MRPL13: variants seen among roughly 807,000 people sequenced by gnomAD.
The protein encoded by MRPL13 is large ribosomal subunit protein uL13m.
A neutral mutation model predicts 29.0 loss-of-function variants in MRPL13; 33 were observed. The ratio of observed to expected loss-of-function variants is 1.14; its 90% confidence interval spans 0.86 to 1.52. MRPL13 has a LOEUF of 1.52. Among genes scored for constraint, MRPL13 ranks in the 40% most tolerant of loss-of-function variants. The pLI, the probability that MRPL13 is intolerant of heterozygous loss-of-function variation, is 0.00. For synonymous variants in MRPL13, 77 were observed against 68.4 expected (o/e 1.13, Z -0.62); for missense variants, 227 against 216.7 (o/e 1.05, Z -0.30).
At chr8:120,410,010 G>T (rs1349115813) in intron 6 of MRPL13, among the ~76,000 whole-genome samples, 1 of 152,090 alleles carries the variant, frequency 6.6e-6, no homozygotes, top group African/African-American at 2.4e-5. Flanking sequence ...TAAGATTAAA[G>T]CAATTTTGTT....
intron 3 of MRPL13, 98 bp downstream of exon 3, chr8:120,431,932 T>C (rs1813000375): frequency 1.1e-6 from 1 of 899,388 alleles, no homozygotes; most frequent in South Asian, 2.7e-5. Context: ...TAAATGCTGA[T>C]TTTTAAAAAT....
Position 120,425,360 on chromosome 8 carries a change from T to C in MRPL13, c.252A>G (p.Pro84=), listed in dbSNP as rs1812920865. ...QKVYSSHTGY[P]GGFRQVTAAQ... ...CAGCTGTTACTTGTCTAAATCCACC[T>C]GGGTAGCTGTTAAAAGGAGAAAAGA... Residue 84 remains proline, a synonymous_variant, in exon 4 of 7, where the codon CCA becomes CCG. Transcript: ENST00000306185. 4 of 1,611,702 alleles carry C rather than the reference T, an allele frequency of 2.5e-6. No homozygotes were observed. Among genetic ancestry groups the C allele is most frequent in the Non-Finnish European group, 3.4e-6 (4 of 1,178,320 alleles).
At chr8:120,401,997 A>G (rs1812603048) in intron 6 of MRPL13, among the ~76,000 whole-genome samples, 1 of 152,236 alleles carries the variant, frequency 6.6e-6, no homozygotes, top group Non-Finnish European at 1.5e-5. Context: ...AGGAAATCAG[A>G]GAGGACACAA....
At chr8:120,433,399 G>A (rs978971741) in intron 2 of MRPL13, among the ~76,000 whole-genome samples, 2 of 152,032 alleles carry the variant, frequency 1.3e-5, no homozygotes, top group African/African-American at 2.4e-5. Context: ...CCTAACACCC[G>A]GTGTAGGCTC....
chr8:120,445,076 C>A lies in MRPL13; in HGVS notation c.19G>T (p.Ala7Ser), dbSNP rs759465650. MSSFSR[A>S]PQQWATFARI... Reference sequence around the variant, plus strand: ...TAAGAGTCCGAGCTCACCTGGGGCGCCCTAGAGAAACTCGACATATTCCTC... The same window carrying A: ...TAAGAGTCCGAGCTCACCTGGGGCGACCTAGAGAAACTCGACATATTCCTC... Residue 7 changes from alanine to serine, a missense_variant, in exon 1 of 7, where the codon GCG becomes TCG. Physicochemically the swap from Ala to Ser is moderately conservative, Grantham distance 99. Transcript: ENST00000306185. The A allele has an allele frequency of 5.6e-6, 9 of 1,613,842 alleles. No homozygotes were observed. Among genetic ancestry groups the A allele is most frequent in the African/African-American group, 4.0e-5 (3 of 74,886 alleles).
intron 2 of MRPL13, among the ~76,000 whole-genome samples, 193 bp from the exon 3 acceptor site, chr8:120,432,316 T>A (rs1237679407): frequency 6.6e-6 from 1 of 152,048 alleles, no homozygotes; most frequent in African/African-American, 2.4e-5. Context: ...ATAGAAAGAG[T>A]TGGCTGGCCA....
intron 4 of MRPL13, among the ~76,000 whole-genome samples, chr8:120,423,645 A>G (rs372251315): frequency 1.1e-4 from 17 of 152,148 alleles, no homozygotes; most frequent in African/African-American, 3.6e-4. Context: ...TAGCAAAACT[A>G]TCTTTCAAGA....
chr8:120,400,613 C>G (rs1586916450), intron 6 of MRPL13, among the ~76,000 whole-genome samples: 1 of 150,640 alleles, frequency 6.6e-6, no homozygotes, highest in South Asian at 2.1e-4. Flanking sequence ...AAGAAATAAC[C>G]AAGATCAGAG....
chr8:120,442,398 T>C (rs1813134475), intron 2 of MRPL13, among the ~76,000 whole-genome samples: 1 of 152,154 alleles, frequency 6.6e-6, no homozygotes, highest in Non-Finnish European at 1.5e-5. Flanking sequence ...TAATATAACA[T>C]AATGCCAAAA....
chr8:120,435,495 T>C (rs1299965597), intron 2 of MRPL13, among the ~76,000 whole-genome samples: 1 of 152,154 alleles, frequency 6.6e-6, no homozygotes. Flanking sequence ...TTACTTAGGA[T>C]TATGGCCTCC....
intron 6 of MRPL13, among the ~76,000 whole-genome samples, chr8:120,407,193 T>C (rs1812678386): frequency 6.6e-6 from 1 of 152,162 alleles, no homozygotes; most frequent in African/African-American, 2.4e-5. Flanking sequence ...ATGACAGAAG[T>C]CAAAACATTT....
intron 2 of MRPL13, among the ~76,000 whole-genome samples, chr8:120,435,848 T>A (rs1227155954): frequency 6.6e-6 from 1 of 152,156 alleles, no homozygotes; most frequent in Non-Finnish European, 1.5e-5. Flanking sequence ...TATCTCATTG[T>A]GGTTTTGACT....
intron 2 of MRPL13, among the ~76,000 whole-genome samples, chr8:120,440,812 T>C (rs1194251218): frequency 6.6e-6 from 1 of 151,964 alleles, no homozygotes; most frequent in Non-Finnish European, 1.5e-5. Flanking sequence ...AAATTTCATT[T>C]GGAAAAGATA....
intron 6 of MRPL13, among the ~76,000 whole-genome samples, chr8:120,412,406 A>G (rs931191535): frequency 6.6e-6 from 1 of 152,228 alleles, no homozygotes; most frequent in Admixed American, 6.5e-5. Context: ...AACTTAGTCA[A>G]CACTTCAAGT....
chr8:120,421,655 G>T (rs1364730214), intron 4 of MRPL13, among the ~76,000 whole-genome samples: 1 of 151,766 alleles, frequency 6.6e-6, no homozygotes, highest in African/African-American at 2.4e-5. Context: ...CTTTAATGAG[G>T]TAATAATCCA....
chr8:120,406,265 T>C (rs1812666868), intron 6 of MRPL13, among the ~76,000 whole-genome samples: 1 of 152,176 alleles, frequency 6.6e-6, no homozygotes, highest in Admixed American at 6.5e-5. Context: ...GTATCCAAAA[T>C]TGTATATATT....
At chr8:120,444,827 C>A in intron 1 of MRPL13, 1 of 378,780 alleles carries the variant, frequency 2.6e-6, no homozygotes, top group Non-Finnish European at 5.1e-6. Flanking sequence ...TAATCCTCTT[C>A]CCCCCGCCCC....
chr8:120,415,871 C>T (rs548703700), intron 5 of MRPL13: 18 of 152,252 alleles, frequency 1.2e-4, no homozygotes, highest in African/African-American at 4.3e-4. Flanking sequence ...ATATTTCATA[C>T]TTCTTTGGAA....
rs1433581754 is a variant in MRPL13, at chr8:120,395,466, C to T, written c.*638G>A. On this transcript the variant is annotated 3_prime_UTR_variant, in exon 7 of 7. Transcript: ENST00000306185. ...CAGAGATGAATGGAAGCCAACAGGA[C>T]AGATATGGGAAAACAGTGTGGAGAG... 1 of 152,236 alleles carries T rather than the reference C, an allele frequency of 6.6e-6. No individual in the cohort carries two copies. The highest frequency in any genetic ancestry group is 2.4e-5 in the African/African-American group (1 of 41,406). The allele number at this position is 152,236 out of a possible 1,614,324, so 9.4% of individuals were successfully genotyped here. A position where few individuals can be genotyped will look rare whatever the true frequency, so the allele number is the denominator to read the frequency against.
Sources: allele counts gnomAD v4.1 joint callset (sites outside exome capture counted in the v4.1 genomes callset), GRCh38; gene constraint gnomAD v4.1.1; transcripts MANE v1.5; gene names NCBI Gene and HGNC (gene_info 2026-07-23, HGNC 2026-07-21).